The following PLIN4 variants were observed in gnomAD, a reference collection of about 807,000 sequenced individuals.
The protein encoded by PLIN4 is perilipin-4.
In PLIN4, 57 loss-of-function variants were observed where a neutral mutation model predicts 52.4. The observed-to-expected ratio is 1.09, with a 90% confidence interval of 0.88 to 1.36. The LOEUF is 1.36. PLIN4 is among the 40% of genes most tolerant of loss of function. The pLI is 0.00. For synonymous variants in PLIN4, 826 were observed against 785.4 expected (o/e 1.05, Z -0.86); for missense variants, 1,757 against 1,770.3 (o/e 0.99, Z 0.13).
At position 4,511,829 on chromosome 19, in the gene PLIN4, CGA is replaced by C. The variant is rs1568232269; in HGVS notation, c.2129_2130del (p.Val710GlyfsTer53). The C allele has an allele frequency of 1.2e-6, 2 of 1,610,384 alleles. No homozygotes were observed. The highest frequency in any genetic ancestry group is 2.7e-5 in the African/African-American group (2 of 74,828). Reference sequence around the variant, plus strand: ...ACACTGGTCTGGACAGTCCCTTTGGCGACATTCACTGCCCCCATGAGCCCAGT... The same window carrying C: ...ACACTGGTCTGGACAGTCCCTTTGGCCATTCACTGCCCCCATGAGCCCAGT... ...VTTGLMGAVN[V>X]AKGTVQTSVD... On this transcript the variant is annotated frameshift_variant, in exon 5 of 8. Coordinates refer to ENST00000301286, the MANE Select transcript of PLIN4 (RefSeq NM_001367868.2). LOFTEE classifies it high-confidence loss of function.
At chr19:4,506,315 C>T (rs1976091956) in intron 6 of PLIN4, among the ~76,000 whole-genome samples, 1 of 152,302 alleles carries the variant, frequency 6.6e-6, no homozygotes, top group Non-Finnish European at 1.5e-5. Context: ...AGGGCCTTTG[C>T]ACGGGCCGTG....
chr19:4,510,588 G>T lies in PLIN4; in HGVS notation c.3372C>A (p.Thr1124=). The T allele has an allele frequency of 6.6e-7, 1 of 1,504,084 alleles. No homozygotes were observed. The allele number at this position is 1,504,084 out of a possible 1,614,324, so 93.2% of individuals were successfully genotyped here. Residue 1124 remains threonine, a synonymous_variant, in exon 5 of 8, where the codon ACC becomes ACA. Coordinates refer to ENST00000301286, the MANE Select transcript of PLIN4 (RefSeq NM_001367868.2). ...KGLATDVATF[T]QGAAPGREDT... ...CCTCCCTGCCTGGGGCGGCCCCTTG[G>T]GTGAACGTCGCCACGTCAGTCGCAA...
intron 4 of PLIN4, among the ~76,000 whole-genome samples, chr19:4,514,467 T>A (rs1042487867): frequency 6.6e-6 from 1 of 151,182 alleles, no homozygotes; most frequent in Non-Finnish European, 1.5e-5. Flanking sequence ...GATATACGCC[T>A]GTAATCCCAG....
chr19:4,505,420 C>T (rs1286278002), intron 6 of PLIN4, among the ~76,000 whole-genome samples: 1 of 152,190 alleles, frequency 6.6e-6, no homozygotes, highest in East Asian at 1.9e-4. Flanking sequence ...TTCCCGGGCC[C>T]TTCACAAGGT....
chr19:4,505,772 C>T (rs1976073837), intron 6 of PLIN4, among the ~76,000 whole-genome samples: 1 of 152,074 alleles, frequency 6.6e-6, no homozygotes, highest in African/African-American at 2.4e-5. Context: ...GTGCTGGAGA[C>T]CTGAAGCCAG....
In PLIN4 at chr19:4,508,946, G is replaced by A. The variant is rs555132382; in HGVS notation, c.3524C>T (p.Ala1175Val). 12 of 1,610,694 alleles carry A rather than the reference G, an allele frequency of 7.5e-6. No homozygotes were observed. The African/African-American group carries it at 1.6e-4, about 21-fold the overall frequency. Residue 1175 changes from alanine to valine, a missense_variant, in exon 6 of 8, where the codon GCT becomes GTT. By Grantham distance (64) the Ala-to-Val change is moderately conservative. Transcript: ENST00000301286. Reference sequence around the variant, plus strand: ...CACCTTTGGCCCAGGCTGGGAGGCAGCCAGCTGAGCTGGAAAGGAAGGCGC... The same window carrying A: ...CACCTTTGGCCCAGGCTGGGAGGCAACCAGCTGAGCTGGAAAGGAAGGCGC... ...PMNAEEQAQL[A>V]ASQPGPKVLS...
chr19:4,515,801 A>G (rs1041092515), intron 4 of PLIN4, among the ~76,000 whole-genome samples: 2 of 152,166 alleles, frequency 1.3e-5, no homozygotes, highest in Non-Finnish European at 2.9e-5. Context: ...CGGAAATTGT[A>G]TTCTCAGAAC....
At position 4,508,974 on chromosome 19, in the gene PLIN4, C is replaced by A; in HGVS notation, c.3515-19G>T. 1 of 1,599,768 alleles carries A rather than the reference C, an allele frequency of 6.3e-7. No homozygotes were observed. Among genetic ancestry groups the A allele is most frequent in the Non-Finnish European group, 8.5e-7 (1 of 1,173,692 alleles). On this transcript the variant is annotated intron_variant, in intron 5 of 7. Coordinates refer to ENST00000301286, the MANE Select transcript of PLIN4 (RefSeq NM_001367868.2). ...AGCTGAGCTGGAAAGGAAGGCGCAC[C>A]GCTCAGTCCCGGAAGCCCCTCAGGG...
intron 4 of PLIN4, 137 bp downstream of exon 4, chr19:4,516,480 C>A: frequency 9.5e-7 from 1 of 1,056,644 alleles, no homozygotes; most frequent in Non-Finnish European, 1.4e-6. Flanking sequence ...CTCAGGCCCA[C>A]AGCAGCCCCC....
chr19:4,518,095 C>T (rs1266309413), intron 2 of PLIN4, 127 bp downstream of exon 2: 20 of 830,784 alleles, frequency 2.4e-5, no homozygotes, highest in South Asian at 5.3e-5. Context: ...GCTCCCAGAC[C>T]GCCCCCACCA....
chr19:4,511,725 T>A lies in PLIN4; in HGVS notation c.2235A>T (p.Lys745Asn), dbSNP rs57610751. Residue 745 changes from lysine to asparagine, a missense_variant, in exon 5 of 8, where the codon AAA becomes AAT. Transcript: ENST00000301286. ...TGTCCAGGCCCCCTTGGATGGCCCC[T>A]TTGGCCACATTCGCAGCACCGGTCA... ...SGVTGAANVA[K>N]GAIQGGLDTT... The A allele has an allele frequency of 2.1e-4, 131 of 631,142 alleles. 1 individual carries two copies. Among genetic ancestry groups the A allele is most frequent in the East Asian group, 1.5e-3 (29 of 18,992 alleles). The allele number at this position is 631,142 out of a possible 1,614,324, so 39.1% of individuals were successfully genotyped here. A position where few individuals can be genotyped will look rare whatever the true frequency, so the allele number is the denominator to read the frequency against.
chr19:4,505,949 C>T (rs1041985429), intron 6 of PLIN4, among the ~76,000 whole-genome samples: 1 of 151,898 alleles, frequency 6.6e-6, no homozygotes, highest in Non-Finnish European at 1.5e-5. Flanking sequence ...GGGGTCTTCT[C>T]TCACCTCCCA....
rs1976263219 is a variant in PLIN4 at position 4,510,554 on chromosome 19, G to A, written c.3406C>T (p.Leu1136Phe). ...TCGGGGCCGTGTGTGGTGGCCAAAA[G>A]CCCCGTGTCCTCCCTGCCTGGGGCG... The part of the protein sequence containing the change: ...GAAPGREDTG[L>F]LATTHGPEEA... Residue 1136 changes from leucine to phenylalanine, a missense_variant, in exon 5 of 8, where the codon CTT (leucine) becomes TTT (phenylalanine). By Grantham distance (22) the Leu-to-Phe change is conservative. Coordinates refer to ENST00000301286, the MANE Select transcript of PLIN4 (RefSeq NM_001367868.2). 3 of 1,497,934 alleles carry A rather than the reference G, an allele frequency of 2.0e-6. No homozygotes were observed. Among genetic ancestry groups the A allele is most frequent in the Admixed American group, 2.4e-5 (1 of 41,880 alleles). 92.8% of individuals were successfully genotyped at this position (1,497,934 alleles called of 1,614,324 possible).
chr19:4,516,501 G>A (rs1370313128), intron 4 of PLIN4, 116 bp downstream of exon 4: 4 of 1,250,102 alleles, frequency 3.2e-6, no homozygotes, highest in Admixed American at 2.2e-5. Context: ...CAGATAGCAG[G>A]AACTGAAATG....
intron 6 of PLIN4, among the ~76,000 whole-genome samples, chr19:4,506,303 C>T (rs1414168509): frequency 3.3e-5 from 5 of 152,176 alleles, no homozygotes; most frequent in Non-Finnish European, 5.9e-5. Flanking sequence ...CAGTCCTGCC[C>T]CAGGGCCTTT....
Position 4,511,422 on chromosome 19 carries a change from A to T in PLIN4, c.2538T>A (p.Ala846=), listed in dbSNP as rs536696116. Residue 846 remains alanine, a synonymous_variant, in exon 5 of 8, where the codon GCT becomes GCA. Coordinates refer to ENST00000301286, the MANE Select transcript of PLIN4 (RefSeq NM_001367868.2). ...GGGTCGTTTTCAGCCCAGTTTGCACAGCACCCTTGGCCACGTTCGCAGCAC... is the reference window on the plus strand; with the variant it reads ...GGGTCGTTTTCAGCCCAGTTTGCACTGCACCCTTGGCCACGTTCGCAGCAC... ...VTGAANVAKG[A]VQTGLKTTQN... The T allele has an allele frequency of 6.6e-7, 1 of 1,519,356 alleles. No individual in the cohort carries two copies. Among genetic ancestry groups the T allele is most frequent in the African/African-American group, 1.7e-5 (1 of 60,038 alleles). The allele number at this position is 1,519,356 out of a possible 1,614,324, so 94.1% of individuals were successfully genotyped here. A position where few individuals can be genotyped will look rare whatever the true frequency, so the allele number is the denominator to read the frequency against.
chr19:4,516,441 G>C (rs1041141681), intron 4 of PLIN4, among the ~76,000 whole-genome samples, 176 bp downstream of exon 4: 3 of 152,160 alleles, frequency 2.0e-5, no homozygotes, highest in Non-Finnish European at 4.4e-5. Context: ...GGGAAGCTCC[G>C]CCTGGGATCC....
At position 4,510,865 on chromosome 19, in the gene PLIN4, G is replaced by A; in HGVS notation, c.3095C>T (p.Ala1032Val). 2 of 1,613,672 alleles carry A rather than the reference G, an allele frequency of 1.2e-6. No homozygotes were observed. The highest frequency in any genetic ancestry group is 2.7e-5 in the African/African-American group (2 of 75,050). ...CACGTTCCCTGACCCCATGAGCCCAGCGGACACTGCGTCTTTGGTTCCGGT... is the reference window on the plus strand; with the variant it reads ...CACGTTCCCTGACCCCATGAGCCCAACGGACACTGCGTCTTTGGTTCCGGT... ...VLTGTKDAVS[A>V]GLMGSGNVAT... Residue 1032 changes from alanine to valine, a missense_variant, in exon 5 of 8, where the codon GCT becomes GTT. This residue lies in a region of PLIN4 where 712 missense variants were observed against 637.1 expected (regional missense o/e 1.12). Transcript: ENST00000301286.
In PLIN4 at chr19:4,503,295, G is replaced by C. The variant is rs1475695488; in HGVS notation, c.*1164C>G. On this transcript the variant is annotated 3_prime_UTR_variant, in exon 8 of 8. Transcript: ENST00000301286. ...GGATATGGCTTCCTGGGGAGGCCGG[G>C]CTGAACGGCTCCTCCCCGCTGGACT... The C allele has an allele frequency of 6.6e-6, 1 of 152,454 alleles. No homozygotes were observed. Among genetic ancestry groups the C allele is most frequent in the African/African-American group, 2.4e-5 (1 of 41,456 alleles). The allele number at this position is 152,454 out of a possible 1,614,324, so 9.4% of individuals were successfully genotyped here.
Sources: allele counts gnomAD v4.1 joint callset (sites outside exome capture counted in the v4.1 genomes callset), GRCh38; gene constraint gnomAD v4.1.1; regional missense constraint gnomAD v4.1.1; transcripts MANE v1.5; gene names NCBI Gene and HGNC (gene_info 2026-07-23, HGNC 2026-07-21).